Variants in CDC27 observed in about 807,000 individuals in gnomAD.
CDC27 encodes cell division cycle protein 27 homolog.
A neutral mutation model predicts 109.7 loss-of-function variants in CDC27; 27 were observed. That is an observed-to-expected ratio of 0.25 (90% CI 0.18 to 0.34). The LOEUF (loss-of-function observed/expected upper bound fraction) is 0.34. CDC27 is among the 10% of genes least tolerant of loss of function. CDC27 has a pLI of 1.00. For missense variants in CDC27, 579 were observed against 960.2 expected (o/e 0.60, Z 5.25); for synonymous variants, 266 against 333.9 (o/e 0.80, Z 2.22).
intron 2 of CDC27, among the ~76,000 whole-genome samples, chr17:47,177,644 G>A (rs969768353): frequency 7.9e-5 from 12 of 152,178 alleles, no homozygotes; most frequent in Non-Finnish European, 8.8e-5. Flanking sequence ...TAGACCTTAA[G>A]CAATTTTGAA....
intron 2 of CDC27, among the ~76,000 whole-genome samples, chr17:47,176,404 CA>C (rs2064007548): frequency 6.6e-6 from 1 of 152,138 alleles, no homozygotes; most frequent in Admixed American, 6.5e-5. Context: ...TTACATCCTG[CA>C]TTTCAATACC....
chr17:47,121,032 C>G lies in CDC27; in HGVS notation c.2393-15G>C, dbSNP rs775287976. 2 of 1,557,792 alleles carry G rather than the reference C, an allele frequency of 1.3e-6. No individual in the cohort carries two copies. Among genetic ancestry groups the G allele is most frequent in the South Asian group, 1.1e-5 (1 of 88,636 alleles). ...ATCTGTTCCCACTTTAAAAATAAAA[C>G]AGAAGTCCACAGTAAGTTTTCTGAC... On this transcript the variant is annotated splice_polypyrimidine_tract_variant and intron_variant, in intron 18 of 18. Coordinates refer to ENST00000066544, the MANE Select transcript of CDC27 (RefSeq NM_001256.6).
intron 2 of CDC27, among the ~76,000 whole-genome samples, chr17:47,172,370 G>C (rs1433782508): frequency 6.6e-6 from 1 of 152,034 alleles, no homozygotes; most frequent in African/African-American, 2.4e-5. Flanking sequence ...CCTTTAAACA[G>C]ACTACCAGTA....
At chr17:47,151,770 T>C in intron 9 of CDC27, 36 bp downstream of exon 9, 3 of 1,475,682 alleles carry the variant, frequency 2.0e-6, no homozygotes, top group Non-Finnish European at 2.7e-6. Context: ...TCAAGTTTTA[T>C]GCCAAGAAAA....
intron 14 of CDC27, 90 bp from the exon 15 acceptor site, chr17:47,132,464 G>A: frequency 1.8e-6 from 1 of 544,106 alleles, no homozygotes. Context: ...TATAGAATCT[G>A]GCATTTTAAT....
chr17:47,189,039 G>T, intron 1 of CDC27, 107 bp downstream of exon 1: 1 of 1,512,378 alleles, frequency 6.6e-7, no homozygotes, highest in Non-Finnish European at 9.1e-7. Flanking sequence ...CAGGGGAGGC[G>T]GGAGAAGCAG....
intron 15 of CDC27, among the ~76,000 whole-genome samples, chr17:47,131,428 A>T (rs2062328743): frequency 1.3e-5 from 2 of 151,878 alleles, no homozygotes; most frequent in East Asian, 3.9e-4. Context: ...TTAGAATTCT[A>T]CTCTCCCCAA....
intron 2 of CDC27, among the ~76,000 whole-genome samples, chr17:47,178,662 T>C (rs1367033797): frequency 6.6e-6 from 1 of 152,120 alleles, no homozygotes; most frequent in Non-Finnish European, 1.5e-5. Context: ...TCTTTACATA[T>C]TTTACTGTAT....
chr17:47,167,246 T>C (rs2063678201), intron 4 of CDC27, among the ~76,000 whole-genome samples: 2 of 152,240 alleles, frequency 1.3e-5, no homozygotes, highest in Admixed American at 1.3e-4. Context: ...ATGCAACTTT[T>C]TTCAACAGAG....
chr17:47,177,298 C>G (rs1025644468), intron 2 of CDC27, among the ~76,000 whole-genome samples: 82 of 152,054 alleles, frequency 5.4e-4, no homozygotes, highest in African/African-American at 1.9e-3. Context: ...AAATAAAGAC[C>G]GGATACAGTG....
chr17:47,175,192 A>G (rs1050917431), intron 2 of CDC27, among the ~76,000 whole-genome samples: 2 of 152,214 alleles, frequency 1.3e-5, no homozygotes, highest in Non-Finnish European at 2.9e-5. Flanking sequence ...AAAATAATTA[A>G]GAGGGGTTTA....
At chr17:47,170,474 G>A (rs1840277742) in intron 3 of CDC27, 1 of 152,404 alleles carries the variant, frequency 6.6e-6, no homozygotes, top group South Asian at 2.1e-4. Context: ...ATGAGACACT[G>A]CACCTGGCCA....
intron 4 of CDC27, among the ~76,000 whole-genome samples, chr17:47,164,600 T>C (rs1472168779): frequency 6.6e-6 from 1 of 152,192 alleles, no homozygotes; most frequent in Non-Finnish European, 1.5e-5. Context: ...GTGGATCATG[T>C]GAGGTTGGGA....
intron 16 of CDC27, among the ~76,000 whole-genome samples, chr17:47,125,485 A>T (rs2062111221): frequency 2.0e-5 from 3 of 150,082 alleles, no homozygotes; most frequent in South Asian, 4.2e-4. Context: ...ACCTCAAGTG[A>T]TCCTCTCACC....
intron 2 of CDC27, among the ~76,000 whole-genome samples, chr17:47,174,052 C>T (rs2063903666): frequency 6.6e-6 from 1 of 152,224 alleles, no homozygotes; most frequent in Non-Finnish European, 1.5e-5. Flanking sequence ...CGAGATCGTG[C>T]CACCGCATTC....
intron 8 of CDC27, among the ~76,000 whole-genome samples, chr17:47,154,233 C>A (rs2063231692): frequency 6.6e-6 from 1 of 151,574 alleles, no homozygotes; most frequent in Non-Finnish European, 1.5e-5. Context: ...TTTACCTGAG[C>A]AAATTTTTTT....
intron 14 of CDC27, among the ~76,000 whole-genome samples, chr17:47,136,257 C>T (rs2062587007): frequency 6.6e-6 from 1 of 152,120 alleles, no homozygotes; most frequent in Non-Finnish European, 1.5e-5. Flanking sequence ...TCAGCAAAAG[C>T]TAGCACTATT....
intron 12 of CDC27, among the ~76,000 whole-genome samples, 194 bp from the exon 13 acceptor site, chr17:47,139,085 C>T (rs1265168256): frequency 6.6e-6 from 1 of 152,076 alleles, no homozygotes; most frequent in East Asian, 1.9e-4. Flanking sequence ...ACCATATTGA[C>T]AGTCAACCTA....
At chr17:47,129,072 A>T in intron 16 of CDC27, among the ~76,000 whole-genome samples, 1 of 152,098 alleles carries the variant, frequency 6.6e-6, no homozygotes, top group East Asian at 1.9e-4. Context: ...CGCCTGGCCC[A>T]TACATTCATT....
Sources: allele counts gnomAD v4.1 joint callset (sites outside exome capture counted in the v4.1 genomes callset), GRCh38; gene constraint gnomAD v4.1.1; transcripts MANE v1.5; gene names NCBI Gene and HGNC (gene_info 2026-07-23, HGNC 2026-07-21).